The following ST18 variants were observed in gnomAD, a reference collection of about 807,000 sequenced individuals.
ST18 encodes ST18 C2H2C-type zinc finger transcription factor, also known as suppression of tumorigenicity 18 protein.
In ST18, 50 loss-of-function variants were observed where a neutral mutation model predicts 110.0. The ratio of observed to expected loss-of-function variants is 0.45; its 90% confidence interval spans 0.36 to 0.58. The LOEUF is 0.58. Among genes scored for constraint, ST18 ranks in the 20% least tolerant of loss-of-function variants. The pLI, the probability that ST18 is intolerant of heterozygous loss-of-function variation, is 0.00. For synonymous variants in ST18, 461 were observed against 452.4 expected (o/e 1.02, Z -0.24); for missense variants, 1,306 against 1,280.1 (o/e 1.02, Z -0.31).
intron 2 of ST18, among the ~76,000 whole-genome samples, chr8:52,232,665 A>G (rs1052404476): frequency 6.6e-6 from 1 of 152,126 alleles, no homozygotes; most frequent in African/African-American, 2.4e-5. Flanking sequence ...ATATATTTGC[A>G]TTGCTGCTTA....
chr8:52,192,054 C>T (rs935813087), intron 8 of ST18, among the ~76,000 whole-genome samples: 11 of 152,226 alleles, frequency 7.2e-5, no homozygotes, highest in Non-Finnish European at 1.6e-4. Context: ...TCAAGCTTCC[C>T]AGGGCTGGCA....
Position 52,232,389 on chromosome 8 carries a change from C to T in ST18, c.-464-2312G>A, listed in dbSNP as rs527736555. Among the ~76,000 whole-genome samples the T allele has an allele frequency of 6.6e-5, 10 of 152,012 alleles. No individual in the cohort carries two copies. The East Asian group carries it at 1.7e-3, about 26-fold the overall frequency. On this transcript the variant is annotated intron_variant, in intron 2 of 25. Coordinates refer to ENST00000689386, the MANE Select transcript of ST18 (RefSeq NM_001352837.2). ...AGAGTTTGCACAATATTTAAACTTGCCAAAAGCAAATAAAATATGGGAATG... is the reference window on the plus strand; with the variant it reads ...AGAGTTTGCACAATATTTAAACTTGTCAAAAGCAAATAAAATATGGGAATG...
chr8:52,342,400 A>G (rs1815509755), intron 2 of ST18, among the ~76,000 whole-genome samples: 1 of 152,204 alleles, frequency 6.6e-6, no homozygotes, highest in Admixed American at 6.5e-5. Flanking sequence ...AAGACCATCT[A>G]GGAGACCAAC....
chr8:52,169,912 G>A (rs1320116717), intron 10 of ST18, among the ~76,000 whole-genome samples: 1 of 152,188 alleles, frequency 6.6e-6, no homozygotes, highest in East Asian at 1.9e-4. Flanking sequence ...CCTCCAATTG[G>A]CCCAAATGTT....
At chr8:52,167,116 C>T (rs1168509912) in intron 10 of ST18, 130 bp from the exon 11 acceptor site, 12 of 1,278,520 alleles carry the variant, frequency 9.4e-6, no homozygotes, top group Non-Finnish European at 1.1e-5. Flanking sequence ...TCTCACATCG[C>T]CTTGAACAAG....
intron 2 of ST18, among the ~76,000 whole-genome samples, chr8:52,329,943 T>A (rs545190080): frequency 6.6e-6 from 1 of 152,168 alleles, no homozygotes; most frequent in African/African-American, 2.4e-5. Flanking sequence ...GGCTAGTGAA[T>A]GTTTCTGTTG....
At chr8:52,314,517 C>A (rs1344022082) in intron 2 of ST18, among the ~76,000 whole-genome samples, 1 of 152,212 alleles carries the variant, frequency 6.6e-6, no homozygotes, top group Non-Finnish European at 1.5e-5. Context: ...CTAGTGCTAA[C>A]TCCAGAGTAG....
intron 8 of ST18, among the ~76,000 whole-genome samples, chr8:52,184,043 G>A (rs2070983383): frequency 6.6e-6 from 1 of 152,054 alleles, no homozygotes; most frequent in South Asian, 2.1e-4. Flanking sequence ...TGGCTTTATT[G>A]TGACACTTCA....
intron 21 of ST18, among the ~76,000 whole-genome samples, chr8:52,132,578 T>C (rs2050134475): frequency 6.6e-6 from 1 of 152,244 alleles, no homozygotes; most frequent in Admixed American, 6.5e-5. Flanking sequence ...AGACGCTGCA[T>C]AGCACATTAC....
At chr8:52,392,143 G>T (rs1040598276) in intron 2 of ST18, among the ~76,000 whole-genome samples, 2 of 152,128 alleles carry the variant, frequency 1.3e-5, no homozygotes, top group Non-Finnish European at 2.9e-5. Flanking sequence ...TGGAGTTGAG[G>T]GTAAACCGAA....
intron 2 of ST18, among the ~76,000 whole-genome samples, chr8:52,366,520 G>T (rs998140865): frequency 6.6e-6 from 1 of 152,098 alleles, no homozygotes; most frequent in Non-Finnish European, 1.5e-5. Flanking sequence ...AATAAGTCTT[G>T]CTCGTTTTCT....
chr8:52,130,167 A>AAAGAAAGAAAGAAAGAAAGAAAG (rs1554586232), intron 22 of ST18, among the ~76,000 whole-genome samples: 19 of 90,064 alleles, frequency 2.1e-4, no homozygotes, highest in Admixed American at 1.2e-3. Flanking sequence ...AAGAAAGAAA[A>AAAGAAAGAAAGAAAGAAAGAAAG]AGAAAAGAAA....
Position 52,137,446 on chromosome 8 carries a change from T to C in ST18, c.2206A>G (p.Thr736Ala). ...TPGCDGSGHV[T>A]GNYASHRSVS... ...CTGCGATGAGATGCATAGTTTCCTG[T>C]CACGTGGCCACTTCCATCACATCCT... is the stretch of plus-strand genomic sequence containing the variant. The change falls in exon 18 of 26, where the codon ACA (threonine) becomes GCA (alanine). Residue 736 changes from threonine (T) to alanine (A), a missense_variant. Coordinates refer to ENST00000689386, the MANE Select transcript of ST18 (RefSeq NM_001352837.2). 6.2e-7 allele frequency: 1 copy of C among 1,614,116 alleles called. No individual in the cohort carries two copies. Among genetic ancestry groups the C allele is most frequent in the Non-Finnish European group, 8.5e-7 (1 of 1,180,010 alleles).
chr8:52,276,397 A>G (rs993676543), intron 2 of ST18, among the ~76,000 whole-genome samples: 2 of 145,588 alleles, frequency 1.4e-5, no homozygotes, highest in Non-Finnish European at 3.0e-5. Context: ...CCATACGTTC[A>G]CATACACACA....
intron 8 of ST18, among the ~76,000 whole-genome samples, chr8:52,211,390 A>G (rs2082111320): frequency 7.2e-6 from 1 of 139,306 alleles, no homozygotes; most frequent in South Asian, 2.2e-4. Flanking sequence ...TATTATTATT[A>G]TTATTATTAT....
intron 2 of ST18, among the ~76,000 whole-genome samples, chr8:52,391,183 G>C (rs545935019): frequency 1.3e-5 from 2 of 152,128 alleles, no homozygotes; most frequent in Non-Finnish European, 2.9e-5. Flanking sequence ...CCCTTTCCCT[G>C]GTGCGAACCC....
At chr8:52,153,494 A>C (rs1211793941) in intron 15 of ST18, among the ~76,000 whole-genome samples, 1 of 152,274 alleles carries the variant, frequency 6.6e-6, no homozygotes, top group African/African-American at 2.4e-5. Flanking sequence ...GGGTATTAAC[A>C]GTAAACAGAT....
intron 9 of ST18, among the ~76,000 whole-genome samples, chr8:52,178,647 C>CAAAAAAAAAAAAAAAAA (rs2068028796): frequency 1.4e-5 from 1 of 70,612 alleles, no homozygotes; most frequent in Admixed American, 1.7e-4. Context: ...AAAAAAACCA[C>CAAAAAAAAAAAAAAAAA]CAAAAACCAA....
intron 2 of ST18, among the ~76,000 whole-genome samples, chr8:52,390,509 T>C (rs1181535137): frequency 2.6e-5 from 4 of 152,098 alleles, no homozygotes; most frequent in Non-Finnish European, 5.9e-5. Context: ...ATAATAGTTA[T>C]AAAAAAAGAG....
Sources: allele counts gnomAD v4.1 joint callset (sites outside exome capture counted in the v4.1 genomes callset), GRCh38; gene constraint gnomAD v4.1.1; transcripts MANE v1.5; gene names NCBI Gene and HGNC (gene_info 2026-07-23, HGNC 2026-07-21).